Variants in PDZD2 observed in about 807,000 individuals in gnomAD.
The protein encoded by PDZD2 is PDZ domain-containing protein 2.
A neutral mutation model predicts 220.7 loss-of-function variants in PDZD2; 90 were observed. The observed-to-expected ratio is 0.41, with a 90% CI of 0.34 to 0.49. The LOEUF is 0.49. PDZD2 is among the 20% of genes least tolerant of loss of function. The probability of loss-of-function intolerance (pLI) is 0.28; values close to 1 mark genes in which losing one functional copy is unlikely to be tolerated. For synonymous variants in PDZD2, 1,375 were observed against 1,450.5 expected (o/e 0.95, Z 1.18); for missense variants, 3,174 against 3,608.5 (o/e 0.88, Z 3.08).
chr5:31,671,495 C>T (rs4867362), intron 1 of PDZD2, among the ~76,000 whole-genome samples: 6,560 of 152,270 alleles, frequency 0.043, 193 homozygotes, highest in East Asian at 0.079. Context: ...GCGTGCTGTG[C>T]TCATAGCAGC....
At chr5:31,941,966 CTT>C (rs1746250783) in intron 2 of PDZD2, among the ~76,000 whole-genome samples, 2 of 152,140 alleles carry the variant, frequency 1.3e-5, no homozygotes, top group African/African-American at 4.8e-5. Context: ...TCTGTGGGTT[CTT>C]CATCTACTCC....
chr5:31,873,844 C>A (rs925138446), intron 2 of PDZD2, among the ~76,000 whole-genome samples: 8 of 152,038 alleles, frequency 5.3e-5, no homozygotes, highest in Admixed American at 2.0e-4. Flanking sequence ...CATTCTCCTG[C>A]CTTAGCCTCC....
chr5:31,973,801 C>T (rs569854266), intron 2 of PDZD2, among the ~76,000 whole-genome samples: 1 of 152,254 alleles, frequency 6.6e-6, no homozygotes, highest in South Asian at 2.1e-4. Flanking sequence ...GCAGGAGAAT[C>T]ACTTGAGGCT....
chr5:31,706,433 A>G (rs1332252742), intron 1 of PDZD2, among the ~76,000 whole-genome samples: 1 of 152,014 alleles, frequency 6.6e-6, no homozygotes, highest in Non-Finnish European at 1.5e-5. Context: ...GCTGGTGTGC[A>G]GGGGAGGCGG....
intron 1 of PDZD2, among the ~76,000 whole-genome samples, chr5:31,680,283 G>A (rs140820406): frequency 6.6e-6 from 1 of 152,318 alleles, no homozygotes; most frequent in African/African-American, 2.4e-5. Flanking sequence ...TCCCTTCACA[G>A]AAAGGCTCTT....
chr5:31,919,060 T>C (rs1321053625), intron 2 of PDZD2, among the ~76,000 whole-genome samples: 1 of 152,180 alleles, frequency 6.6e-6, no homozygotes, highest in Non-Finnish European at 1.5e-5. Flanking sequence ...ATAATTTGGT[T>C]AGTGATGTAA....
chr5:31,764,608 C>T (rs1355108329), intron 1 of PDZD2, among the ~76,000 whole-genome samples: 2 of 152,182 alleles, frequency 1.3e-5, no homozygotes, highest in Non-Finnish European at 2.9e-5. Flanking sequence ...ATTCTCTCCT[C>T]CCTGAAAAAA....
chr5:32,061,741 C>T (rs1445877277), intron 14 of PDZD2, among the ~76,000 whole-genome samples: 4 of 151,964 alleles, frequency 2.6e-5, no homozygotes, highest in Non-Finnish European at 4.4e-5. Context: ...AGTGAGACTT[C>T]ATCTTTATTT....
intron 2 of PDZD2, among the ~76,000 whole-genome samples, chr5:31,960,291 A>C (rs375012691): frequency 7.3e-5 from 11 of 151,020 alleles, no homozygotes; most frequent in African/African-American, 2.7e-4. Context: ...ATCTCGGCTC[A>C]CCACAACCTC....
At chr5:31,705,201 CACACACACA>C (rs1747767653) in intron 1 of PDZD2, among the ~76,000 whole-genome samples, 5 of 94,088 alleles carry the variant, frequency 5.3e-5, no homozygotes, top group Non-Finnish European at 9.0e-5. Context: ...CACACACACA[CACACACACA>C]TACACACTCA....
chr5:31,680,206 C>A lies in PDZD2; in HGVS notation c.-361+40769C>A, dbSNP rs554783726. ...GACGGTGGGCTCGGGGAGGACAAGG[C>A]CCTCGGCTGATTGTCACAAGGATCT... On this transcript the variant is annotated intron_variant, in intron 1 of 24. Coordinates refer to ENST00000438447, the MANE Select transcript of PDZD2 (RefSeq NM_178140.4). Among the ~76,000 whole-genome samples the A allele has an allele frequency of 1.4e-3, 209 of 152,214 alleles. 1 individual carries two copies. Among genetic ancestry groups the A allele is most frequent in the African/African-American group, 4.5e-3 (186 of 41,542 alleles).
At chr5:31,954,050 A>G (rs1423709143) in intron 2 of PDZD2, among the ~76,000 whole-genome samples, 3 of 151,920 alleles carry the variant, frequency 2.0e-5, no homozygotes, top group Non-Finnish European at 2.9e-5. Flanking sequence ...CAGGAGTTCA[A>G]GGTTATAGTG....
At chr5:32,035,840 A>C (rs1231585157) in intron 6 of PDZD2, among the ~76,000 whole-genome samples, 1 of 152,210 alleles carries the variant, frequency 6.6e-6, no homozygotes, top group Non-Finnish European at 1.5e-5. Flanking sequence ...CTGCCAGTTG[A>C]GTTTAACTTC....
intron 1 of PDZD2, among the ~76,000 whole-genome samples, chr5:31,697,733 G>C (rs1161700497): frequency 6.6e-6 from 1 of 152,138 alleles, no homozygotes; most frequent in African/African-American, 2.4e-5. Context: ...GGTACCAGGA[G>C]ACCTCTGAGA....
intron 2 of PDZD2, among the ~76,000 whole-genome samples, chr5:31,931,222 C>T (rs999951409): frequency 6.6e-6 from 1 of 152,142 alleles, no homozygotes; most frequent in Non-Finnish European, 1.5e-5. Flanking sequence ...GGGGTTTCAC[C>T]ATGTTGGCCA....
chr5:31,753,109 T>C (rs547805), intron 1 of PDZD2, among the ~76,000 whole-genome samples: 97,436 of 152,190 alleles, frequency 0.64, 32,273 homozygotes, highest in East Asian at 0.95. Context: ...AGAAATCAAA[T>C]AATTAAATGT....
intron 1 of PDZD2, among the ~76,000 whole-genome samples, chr5:31,694,802 T>TTTTTA (rs1747310020): frequency 7.0e-6 from 1 of 143,744 alleles, no homozygotes; most frequent in Admixed American, 6.7e-5. Flanking sequence ...TATTTATTTT[T>TTTTTA]TTTTTGTGAA....
In PDZD2 at chr5:31,683,121, C is replaced by T. The variant is rs866825901; in HGVS notation, c.-361+43684C>T. ...CACCCTCCTTGGCAGCTCTGTGGCT[C>T]CCCTGCAACTTTTACAGCTTGGCTT... On this transcript the variant is annotated intron_variant, in intron 1 of 24. Coordinates refer to ENST00000438447, the MANE Select transcript of PDZD2 (RefSeq NM_178140.4). 2.0e-5 allele frequency among the ~76,000 whole-genome samples: 3 copies of T among 151,630 alleles called. No individual in the cohort carries two copies. In the South Asian group the frequency reaches 6.3e-4, roughly 32 times the overall value.
chr5:31,717,698 C>T (rs1051260071), intron 1 of PDZD2, among the ~76,000 whole-genome samples: 2 of 152,180 alleles, frequency 1.3e-5, no homozygotes, highest in African/African-American at 4.8e-5. Context: ...TAGAGTGGGA[C>T]GTCCCCATTC....
Sources: gnomAD v4.1 joint callset for allele counts (sites outside exome capture counted in the v4.1 genomes callset) on GRCh38, gnomAD v4.1.1 for gene constraint, MANE v1.5 for transcripts, NCBI Gene and HGNC (gene_info 2026-07-23, HGNC 2026-07-21) for gene names.